EPHB1: variants seen among roughly 807,000 people sequenced by gnomAD.
The protein encoded by EPHB1 is ephrin type-B receptor 1.
EPHB1 carries 30 observed loss-of-function variants against 94.4 expected under a neutral mutation model. The ratio of observed to expected loss-of-function variants is 0.32; its 90% CI spans 0.24 to 0.43. The LOEUF (loss-of-function observed/expected upper bound fraction) is 0.43. EPHB1 is among the 20% of genes least tolerant of loss of function. The pLI is 1.00. For missense variants in EPHB1, 1,055 were observed against 1,308.3 expected, an observed-to-expected ratio of 0.81 and a Z score of 2.99; for synonymous variants, 522 against 489.1, an observed-to-expected ratio of 1.07 and a Z score of -0.89.
chr3:135,155,812 A>T (rs1941335826), intron 6 of EPHB1, among the ~76,000 whole-genome samples: 3 of 139,638 alleles, frequency 2.1e-5, no homozygotes, highest in African/African-American at 8.0e-5. Context: ...AAAAAAAAAG[A>T]CTGGAGCTTT....
chr3:134,835,831 C>T (rs552857263), intron 1 of EPHB1, among the ~76,000 whole-genome samples: 91 of 152,300 alleles, frequency 6.0e-4, no homozygotes, highest in African/African-American at 2.1e-3. Context: ...CTTGACCCCA[C>T]ATTGTCATTT....
chr3:134,921,392 G>C (rs1419998671), intron 1 of EPHB1, among the ~76,000 whole-genome samples: 1 of 152,132 alleles, frequency 6.6e-6, no homozygotes, highest in Non-Finnish European at 1.5e-5. Context: ...TCCTTGTTGG[G>C]ACAGGCACAC....
intron 4 of EPHB1, among the ~76,000 whole-genome samples, chr3:135,119,966 T>C (rs1346164963): frequency 6.6e-6 from 1 of 152,232 alleles, no homozygotes; most frequent in Admixed American, 6.5e-5. Flanking sequence ...TTCTTTCTAA[T>C]TGGTGGTTCT....
chr3:135,120,135 G>T (rs960872814), intron 4 of EPHB1, among the ~76,000 whole-genome samples: 1 of 152,154 alleles, frequency 6.6e-6, no homozygotes, highest in African/African-American at 2.4e-5. Context: ...CAACCAGCTT[G>T]ACAAATGTCA....
intron 1 of EPHB1, among the ~76,000 whole-genome samples, chr3:134,832,066 TAC>T (rs2036591465): frequency 6.6e-6 from 1 of 152,262 alleles, no homozygotes; most frequent in African/African-American, 2.4e-5. Context: ...AAGCAATAGA[TAC>T]TTTTTAGTTT....
At chr3:135,169,990 T>A (rs1941759946) in intron 9 of EPHB1, among the ~76,000 whole-genome samples, 1 of 152,190 alleles carries the variant, frequency 6.6e-6, no homozygotes, top group South Asian at 2.1e-4. Context: ...TAATGTCTGA[T>A]CCGAATGTGT....
intron 1 of EPHB1, among the ~76,000 whole-genome samples, chr3:134,862,192 G>C (rs147936543): frequency 1.3e-5 from 2 of 152,320 alleles, no homozygotes; most frequent in Non-Finnish European, 2.9e-5. Context: ...GCTGGGCTCA[G>C]GGCTGGGAGA....
intron 1 of EPHB1, among the ~76,000 whole-genome samples, chr3:134,843,951 C>T (rs2036823145): frequency 6.6e-6 from 1 of 151,888 alleles, no homozygotes; most frequent in Non-Finnish European, 1.5e-5. Context: ...TTTCTTGTTT[C>T]TTTGGATGTG....
chr3:134,797,266 C>G lies in EPHB1; in HGVS notation c.58+1577C>G, dbSNP rs1346626299. ...AGAAGACTGGAGCCGTGTGGAGTGC[C>G]GTCAACACCCTGGCGCAGGGATGCC... is the stretch of plus-strand genomic sequence containing the variant. On this transcript the variant is annotated intron_variant, in intron 1 of 15. Transcript: ENST00000398015. 2.6e-5 allele frequency among the ~76,000 whole-genome samples: 4 copies of G among 152,142 alleles called. No individual in the cohort carries two copies. The South Asian group carries it at 8.3e-4, about 32-fold the overall frequency.
At chr3:135,036,265 G>A (rs998031610) in intron 3 of EPHB1, among the ~76,000 whole-genome samples, 7 of 152,204 alleles carry the variant, frequency 4.6e-5, no homozygotes, top group African/African-American at 1.4e-4. Flanking sequence ...ACTACTCGGG[G>A]AGGGTGATGC....
At chr3:135,242,267 G>A (rs554266647) in intron 13 of EPHB1, among the ~76,000 whole-genome samples, 2 of 152,192 alleles carry the variant, frequency 1.3e-5, no homozygotes, top group East Asian at 1.9e-4. Context: ...ATCACTTTGG[G>A]AGGGGGCAGT....
intron 12 of EPHB1, among the ~76,000 whole-genome samples, chr3:135,209,555 GAATGTGTGGCCTATGCGCTTCAAAA>G (rs1343600337): frequency 2.6e-5 from 4 of 152,160 alleles, no homozygotes; most frequent in Non-Finnish European, 4.4e-5. Context: ...ACATTCTATT[GAATGTGTGGCCTATGCGCTTCAAAA>G]AATGTTAGGG....
At chr3:134,960,074 GCC>G (rs1933453905) in intron 3 of EPHB1, among the ~76,000 whole-genome samples, 1 of 138,146 alleles carries the variant, frequency 7.2e-6, no homozygotes, top group African/African-American at 2.6e-5. Context: ...CTGAATCCAA[GCC>G]TGCCTGCAGT....
intron 1 of EPHB1, among the ~76,000 whole-genome samples, chr3:134,796,713 G>C (rs1422227927): frequency 6.6e-6 from 1 of 152,268 alleles, no homozygotes; most frequent in Non-Finnish European, 1.5e-5. Flanking sequence ...CGGGAGAGCG[G>C]AGTTGGAGTT....
chr3:134,858,149 C>CCATCATCATCAT (rs71139558), intron 1 of EPHB1, among the ~76,000 whole-genome samples: 2 of 148,310 alleles, frequency 1.3e-5, no homozygotes, highest in Non-Finnish European at 3.0e-5. Context: ...TTTTATTGTT[C>CCATCATCATCAT]CATCATCATC....
At chr3:134,917,610 G>C (rs2038601040) in intron 1 of EPHB1, among the ~76,000 whole-genome samples, 1 of 152,232 alleles carries the variant, frequency 6.6e-6, no homozygotes, top group Non-Finnish European at 1.5e-5. Flanking sequence ...GTAGTGGGGA[G>C]GACTGTGCTG....
chr3:134,982,515 T>C (rs1934443181), intron 3 of EPHB1, among the ~76,000 whole-genome samples: 1 of 152,144 alleles, frequency 6.6e-6, no homozygotes, highest in South Asian at 2.1e-4. Flanking sequence ...TTGGCATCAC[T>C]CTCATAACCT....
At chr3:135,032,471 T>C (rs1936510621) in intron 3 of EPHB1, among the ~76,000 whole-genome samples, 1 of 152,208 alleles carries the variant, frequency 6.6e-6, no homozygotes, top group African/African-American at 2.4e-5. Flanking sequence ...TTTCTTCAAT[T>C]ATCTGCTTTG....
At chr3:135,191,786 C>A (rs1942463541) in intron 10 of EPHB1, among the ~76,000 whole-genome samples, 1 of 152,172 alleles carries the variant, frequency 6.6e-6, no homozygotes, top group South Asian at 2.1e-4. Flanking sequence ...TATTCAGCTG[C>A]CAAAAGTGCA....
Sources: allele counts gnomAD v4.1 joint callset (sites outside exome capture counted in the v4.1 genomes callset), GRCh38; gene constraint gnomAD v4.1.1; transcripts MANE v1.5; gene names NCBI Gene and HGNC (gene_info 2026-07-23, HGNC 2026-07-21).